The following GNS variants were observed in gnomAD, a reference collection of about 807,000 sequenced individuals.
GNS encodes N-acetylglucosamine-6-sulfatase.
A neutral mutation model predicts 69.7 loss-of-function variants in GNS; 40 were observed. The ratio of observed to expected loss-of-function variants is 0.57; its 90% CI spans 0.45 to 0.75. GNS has a LOEUF of 0.75. GNS is among the 30% of genes least tolerant of loss of function. The probability of loss-of-function intolerance (pLI) is 0.00; values close to 1 mark genes in which losing one functional copy is unlikely to be tolerated. For missense variants in GNS, 565 were observed against 685.5 expected (o/e 0.82, Z 1.96); for synonymous variants, 243 against 251.6 (o/e 0.97, Z 0.32).
intron 1 of GNS, among the ~76,000 whole-genome samples, chr12:64,754,975 T>C (rs184126487): frequency 7.2e-5 from 11 of 152,196 alleles, no homozygotes; most frequent in African/African-American, 2.2e-4. Context: ...CCGTGCTTAA[T>C]TGAAAAAGTC....
rs754101987 is a variant in GNS, at chr12:64,726,787, C to T, written c.1200+2169G>A. ...CTGGGATTACAGGTGTGAGCCACTG[C>T]ACCTGGCTCCCATATCTTAATACAT... On this transcript the variant is annotated intron_variant, in intron 10 of 13. Coordinates refer to ENST00000258145, the MANE Select transcript of GNS (RefSeq NM_002076.4). 2.0e-5 allele frequency among the ~76,000 whole-genome samples: 3 copies of T among 152,140 alleles called. No individual in the cohort carries two copies. In the South Asian group the frequency reaches 6.2e-4, roughly 31 times the overall value.
At chr12:64,739,580 CAAAAACAAA>C (rs2136245624) in intron 7 of GNS, 81 bp from the exon 8 acceptor site, 2 of 688,852 alleles carry the variant, frequency 2.9e-6, no homozygotes, top group South Asian at 3.1e-5. Flanking sequence ...AAAAAAAAAC[CAAAAACAAA>C]AACAAAGACA....
intron 2 of GNS, among the ~76,000 whole-genome samples, chr12:64,749,120 T>A (rs1205954902): frequency 6.6e-6 from 1 of 151,026 alleles, no homozygotes; most frequent in African/African-American, 2.4e-5. Context: ...TTTGTATTTT[T>A]AGTAGAGATG....
At chr12:64,725,500 A>G (rs1869165962) in intron 10 of GNS, among the ~76,000 whole-genome samples, 1 of 152,158 alleles carries the variant, frequency 6.6e-6, no homozygotes, top group Admixed American at 6.5e-5. Flanking sequence ...CGAAGAACTG[A>G]ATTTCATTTT....
chr12:64,714,503 C>T lies in GNS; in HGVS notation c.*2238G>A, dbSNP rs1868801148. ...GCACAAATTCAGAATGAAGCCAGTCCAAGAAAAAAAGAATTGGAAGCTATT... is the reference window on the plus strand; with the variant it reads ...GCACAAATTCAGAATGAAGCCAGTCTAAGAAAAAAAGAATTGGAAGCTATT... On this transcript the variant is annotated 3_prime_UTR_variant, in exon 14 of 14. Coordinates refer to ENST00000258145, the MANE Select transcript of GNS (RefSeq NM_002076.4). The T allele has an allele frequency of 6.6e-6, 1 of 151,798 alleles. No homozygotes were observed. The highest frequency in any genetic ancestry group is 6.6e-5 in the Admixed American group (1 of 15,244). 9.4% of individuals were successfully genotyped at this position (151,798 alleles called of 1,614,324 possible). A position where few individuals can be genotyped will look rare whatever the true frequency, so the allele number is the denominator to read the frequency against.
intron 7 of GNS, 100 bp from the exon 8 acceptor site, chr12:64,739,599 ACCC>A (rs1391363167): frequency 1.6e-6 from 1 of 609,772 alleles, no homozygotes; most frequent in Admixed American, 2.8e-5. Flanking sequence ...AAACAAAGAC[ACCC>A]CCGTTTAAAA....
rs1307209986 is a variant in GNS at position 64,739,635 on chromosome 12, G to A, written c.876-136C>T. ...AAAAAAAAAATCCAAAACAACCCCCGTTTAAAAAAAAAAAATTGCAAAACA... is the reference window on the plus strand; with the variant it reads ...AAAAAAAAAATCCAAAACAACCCCCATTTAAAAAAAAAAAATTGCAAAACA... On this transcript the variant is annotated intron_variant, in intron 7 of 13. Transcript: ENST00000258145. 8 of 606,640 alleles carry A rather than the reference G, an allele frequency of 1.3e-5. No individual in the cohort carries two copies. Among genetic ancestry groups the A allele is most frequent in the East Asian group, 5.7e-5 (2 of 35,140 alleles). The allele number at this position is 606,640 out of a possible 1,614,324, so 37.6% of individuals were successfully genotyped here.
chr12:64,721,947 C>G (rs1869042394), intron 11 of GNS, among the ~76,000 whole-genome samples: 1 of 152,002 alleles, frequency 6.6e-6, no homozygotes, highest in Non-Finnish European at 1.5e-5. Flanking sequence ...CTGCTAAACT[C>G]CTGACAATAA....
rs1430630310 is a variant in GNS at position 64,729,021 on chromosome 12, A to C, written c.1135T>G (p.Leu379Val). ...VANIDLGPTI[L>V]DIAGYDLNKT... is the part of the protein sequence containing the mutation. ...TTTAGGTCGTAGCCAGCAATGTCCAAAATAGTAGGACCCAAGTCAATGTTG... is the reference window on the plus strand; with the variant it reads ...TTTAGGTCGTAGCCAGCAATGTCCACAATAGTAGGACCCAAGTCAATGTTG... The change falls in exon 10 of 14, where the codon TTG becomes GTG. Residue 379 changes from leucine (L) to valine (V), a missense_variant. Leu to Val is a conservative substitution (Grantham distance 32). Transcript: ENST00000258145. 1 of 1,598,646 alleles carries C rather than the reference A, an allele frequency of 6.3e-7. No individual in the cohort carries two copies. Among genetic ancestry groups the C allele is most frequent in the Non-Finnish European group, 8.6e-7 (1 of 1,165,876 alleles).
At chr12:64,738,945 TAAC>T (rs1377423459) in intron 8 of GNS, among the ~76,000 whole-genome samples, 8 of 152,118 alleles carry the variant, frequency 5.3e-5, no homozygotes, top group African/African-American at 1.7e-4. Flanking sequence ...CATTTGCTTT[TAAC>T]AACAGAAGGT....
rs149333306 is a variant in GNS at position 64,756,982 on chromosome 12, C to T, written c.192+2103G>A. Among the ~76,000 whole-genome samples the T allele has an allele frequency of 3.4e-3, 510 of 152,162 alleles. 6 individuals are homozygous for T. Among genetic ancestry groups the T allele is most frequent in the African/African-American group, 0.011 (470 of 41,516 alleles). On this transcript the variant is annotated intron_variant, in intron 1 of 13. Coordinates refer to ENST00000258145, the MANE Select transcript of GNS (RefSeq NM_002076.4). ...TTACTTGAGTCCAGGAGTTCAAGACCGACTTGGGCAACATGGAGAAATCCT... is the reference window on the plus strand; with the variant it reads ...TTACTTGAGTCCAGGAGTTCAAGACTGACTTGGGCAACATGGAGAAATCCT...
intron 3 of GNS, chr12:64,746,063 G>A (rs1869889327): frequency 2.7e-6 from 1 of 371,824 alleles, no homozygotes; most frequent in Non-Finnish European, 5.1e-6. Context: ...CAGCGATAAA[G>A]AGTTTTATTG....
At chr12:64,739,638 T>TA (rs397971241) in intron 7 of GNS, 139 bp from the exon 8 acceptor site, 19,503 of 410,850 alleles carry the variant, frequency 0.047, no homozygotes, top group Middle Eastern at 0.076. Context: ...AACCCCCGTT[T>TA]AAAAAAAAAA....
chr12:64,759,078 G>C lies in GNS; in HGVS notation c.192+7C>G, dbSNP rs1312722586. ...ATAGAGGGGCGGGGCAGAAACAGAA[G>C]AGTTACCATGCCGCCGAGCACTTCG... On this transcript the variant is annotated splice_region_variant and intron_variant, in intron 1 of 13. Coordinates refer to ENST00000258145, the MANE Select transcript of GNS (RefSeq NM_002076.4). The C allele has an allele frequency of 6.4e-7, 1 of 1,556,584 alleles. No homozygotes were observed. The highest frequency in any genetic ancestry group is 8.7e-7 in the Non-Finnish European group (1 of 1,149,152).
At chr12:64,724,546 G>T (rs1316711297) in intron 10 of GNS, among the ~76,000 whole-genome samples, 1 of 152,162 alleles carries the variant, frequency 6.6e-6, no homozygotes, top group African/African-American at 2.4e-5. Context: ...CAGAAATCAT[G>T]AGTCACTGGA....
At chr12:64,738,894 T>C (rs978192601) in intron 8 of GNS, among the ~76,000 whole-genome samples, 33 of 151,942 alleles carry the variant, frequency 2.2e-4, no homozygotes, top group African/African-American at 7.0e-4. Context: ...CTCAAGTGAA[T>C]CCCATTCAAG....
intron 10 of GNS, among the ~76,000 whole-genome samples, chr12:64,727,715 A>T (rs1247817069): frequency 2.6e-5 from 4 of 152,190 alleles, no homozygotes; most frequent in Non-Finnish European, 5.9e-5. Flanking sequence ...AAGAAGATTC[A>T]TGGTGGGAAT....
intron 3 of GNS, chr12:64,745,957 C>G (rs905192683): frequency 1.8e-6 from 1 of 542,622 alleles, no homozygotes; most frequent in Admixed American, 3.2e-5. Flanking sequence ...TTTGTATGAA[C>G]AGCAAGCTAA....
At position 64,759,376 on chromosome 12, in the gene GNS, G is replaced by A. The variant is rs1428397023; in HGVS notation, c.-100C>T. 4 of 788,702 alleles carry A rather than the reference G, an allele frequency of 5.1e-6. No homozygotes were observed. Among genetic ancestry groups the A allele is most frequent in the Non-Finnish European group, 5.9e-6 (3 of 510,282 alleles). The allele number at this position is 788,702 out of a possible 1,614,324, so 48.9% of individuals were successfully genotyped here. On this transcript the variant is annotated 5_prime_UTR_variant, in exon 1 of 14. It adds an upstream start codon to the 5' untranslated region. Transcript: ENST00000258145. ...CGACCAGCCGAAGGAATAAAAAGCC[G>A]TGCCTTGAAGGCCGGTGGCTGGAGT...
Sources: gnomAD v4.1 joint callset for allele counts (sites outside exome capture counted in the v4.1 genomes callset) on GRCh38, gnomAD v4.1.1 for gene constraint, MANE v1.5 for transcripts, NCBI Gene and HGNC (gene_info 2026-07-23, HGNC 2026-07-21) for gene names.